The following SHISA6 variants were observed in gnomAD, a reference collection of about 807,000 sequenced individuals.
SHISA6 encodes the protein protein shisa-6.
In SHISA6, 22 loss-of-function variants were observed where a neutral mutation model predicts 47.9. That is an observed-to-expected ratio of 0.46 (90% CI 0.33 to 0.66). The LOEUF is 0.66. Ranked by LOEUF, SHISA6 falls within the 30% of genes least tolerant of loss-of-function variation. SHISA6 has a pLI of 0.02. For missense variants in SHISA6, 680 were observed against 764.6 expected (o/e 0.89, Z 1.30); for synonymous variants, 388 against 337.8 (o/e 1.15, Z -1.63).
In SHISA6 at chr17:11,486,194, G is replaced by A. The variant is rs1224982047; in HGVS notation, c.896-65702G>A. 1.1e-4 allele frequency among the ~76,000 whole-genome samples: 16 copies of A among 152,158 alleles called. No individual in the cohort carries two copies. The East Asian group carries it at 1.2e-3, about 11-fold the overall frequency. ...CCAAGAGGTGAGTGATTTCTTCCAC[G>A]TGGCGCTGTGTGCTCTGGAATTCTG... On this transcript the variant is annotated intron_variant, in intron 3 of 5. Coordinates refer to ENST00000441885, the MANE Select transcript of SHISA6 (RefSeq NM_207386.4).
chr17:11,397,272 C>A (rs984148422), intron 3 of SHISA6, among the ~76,000 whole-genome samples: 1 of 152,096 alleles, frequency 6.6e-6, no homozygotes, highest in Non-Finnish European at 1.5e-5. Context: ...GCCTATACAA[C>A]AATCAATGTG....
chr17:11,274,046 A>G (rs750870008), intron 2 of SHISA6, among the ~76,000 whole-genome samples: 1 of 152,216 alleles, frequency 6.6e-6, no homozygotes, highest in Non-Finnish European at 1.5e-5. Flanking sequence ...TCCAGAAGCC[A>G]GAGGAGCTGC....
chr17:11,338,564 G>T (rs986700773), intron 2 of SHISA6, among the ~76,000 whole-genome samples: 1 of 151,738 alleles, frequency 6.6e-6, no homozygotes, highest in Non-Finnish European at 1.5e-5. Context: ...ACCACACCCA[G>T]CTAATTTTTG....
intron 3 of SHISA6, among the ~76,000 whole-genome samples, chr17:11,419,620 A>G (rs1914394397): frequency 6.6e-6 from 1 of 152,242 alleles, no homozygotes; most frequent in South Asian, 2.1e-4. Context: ...AAGATAGCCA[A>G]GGAATGTCTT....
chr17:11,359,053 T>C (rs777317349), intron 2 of SHISA6, among the ~76,000 whole-genome samples: 3 of 152,242 alleles, frequency 2.0e-5, no homozygotes, highest in Non-Finnish European at 2.9e-5. Context: ...GACACTTGGC[T>C]TTCTTCTCCA....
intron 3 of SHISA6, among the ~76,000 whole-genome samples, chr17:11,407,378 T>G (rs1188059790): frequency 2.0e-5 from 3 of 152,108 alleles, no homozygotes; most frequent in Non-Finnish European, 2.9e-5. Flanking sequence ...TGAATGGGCT[T>G]CTTTCAAGAT....
intron 2 of SHISA6, among the ~76,000 whole-genome samples, chr17:11,336,365 G>A (rs1190614096): frequency 6.6e-6 from 1 of 152,080 alleles, no homozygotes; most frequent in Non-Finnish European, 1.5e-5. Flanking sequence ...GGAGCTTAAA[G>A]GGGAACGTGG....
intron 1 of SHISA6, among the ~76,000 whole-genome samples, chr17:11,250,596 T>C (rs1174517688): frequency 6.6e-6 from 1 of 152,174 alleles, no homozygotes; most frequent in Non-Finnish European, 1.5e-5. Flanking sequence ...CATTCCTTCA[T>C]CTCAGTCAGG....
chr17:11,344,979 T>C (rs1182817670), intron 2 of SHISA6, among the ~76,000 whole-genome samples: 7 of 152,182 alleles, frequency 4.6e-5, no homozygotes. Flanking sequence ...TTCTATTCTC[T>C]ACTTCTATGA....
chr17:11,430,897 C>T (rs1914753640), intron 3 of SHISA6, among the ~76,000 whole-genome samples: 1 of 152,206 alleles, frequency 6.6e-6, no homozygotes, highest in Non-Finnish European at 1.5e-5. Context: ...CAGCACGAGG[C>T]TTTTGAAAGA....
chr17:11,397,718 A>T (rs1462327999), intron 3 of SHISA6, among the ~76,000 whole-genome samples: 3 of 148,580 alleles, frequency 2.0e-5, no homozygotes, highest in Non-Finnish European at 4.5e-5. Flanking sequence ...AATTCTTCTC[A>T]TCTTATAAGT....
intron 3 of SHISA6, among the ~76,000 whole-genome samples, chr17:11,481,382 A>G (rs1916215304): frequency 6.7e-6 from 1 of 148,476 alleles, no homozygotes; most frequent in South Asian, 2.1e-4. Context: ...ATATATATAT[A>G]TATATTTAGA....
intron 2 of SHISA6, among the ~76,000 whole-genome samples, chr17:11,347,252 AG>A (rs1911731970): frequency 6.6e-6 from 1 of 152,180 alleles, no homozygotes; most frequent in Non-Finnish European, 1.5e-5. Flanking sequence ...TACATTGACA[AG>A]AGGAAAAGAA....
intron 3 of SHISA6, among the ~76,000 whole-genome samples, chr17:11,480,363 T>C (rs1916179141): frequency 6.6e-6 from 1 of 151,552 alleles, no homozygotes; most frequent in Non-Finnish European, 1.5e-5. Flanking sequence ...TCTTAAATAC[T>C]TGTTGAGTGA....
chr17:11,266,504 G>A (rs1445411951), intron 2 of SHISA6, among the ~76,000 whole-genome samples: 1 of 152,176 alleles, frequency 6.6e-6, no homozygotes, highest in African/African-American at 2.4e-5. Context: ...TTTTGGCCCT[G>A]TCTCTTACTA....
At position 11,282,152 on chromosome 17, in the gene SHISA6, A is replaced by G. The variant is rs144590649; in HGVS notation, c.799+18626A>G. On this transcript the variant is annotated intron_variant, in intron 2 of 5. Coordinates refer to ENST00000441885, the MANE Select transcript of SHISA6 (RefSeq NM_207386.4). The stretch of plus-strand genomic sequence containing the variant: ...ATAGCCACAGAAGCTGCTTCCCCAA[A>G]TACTCCTTTTTCAAAAGAGGTCCCC... Among the ~76,000 whole-genome samples the G allele has an allele frequency of 7.9e-3, 1,210 of 152,222 alleles. 5 individuals carry two copies. Among genetic ancestry groups the G allele is most frequent in the Non-Finnish European group, 0.013 (869 of 68,018 alleles).
intron 3 of SHISA6, among the ~76,000 whole-genome samples, chr17:11,475,541 G>A (rs916590722): frequency 6.6e-6 from 1 of 152,036 alleles, no homozygotes; most frequent in Admixed American, 6.5e-5. Flanking sequence ...ATATGACCAT[G>A]TGATTTTTCT....
chr17:11,284,537 A>G (rs995669734), intron 2 of SHISA6, among the ~76,000 whole-genome samples: 1 of 152,182 alleles, frequency 6.6e-6, no homozygotes, highest in African/African-American at 2.4e-5. Flanking sequence ...GGAGGGAGAC[A>G]AATTGACTAC....
chr17:11,243,575 G>A (rs1321483521), intron 1 of SHISA6, among the ~76,000 whole-genome samples: 1 of 152,156 alleles, frequency 6.6e-6, no homozygotes, highest in Non-Finnish European at 1.5e-5. Flanking sequence ...GAAGACAAGT[G>A]GGACGGTGAG....
Sources: gnomAD v4.1 joint callset for allele counts (sites outside exome capture counted in the v4.1 genomes callset) on GRCh38, gnomAD v4.1.1 for gene constraint, MANE v1.5 for transcripts, NCBI Gene and HGNC (gene_info 2026-07-23, HGNC 2026-07-21) for gene names.